VKORC1L1: variants seen among roughly 807,000 people sequenced by gnomAD.
The protein encoded by VKORC1L1 is vitamin K epoxide reductase complex subunit 1L1.
Under a neutral mutation model 18.9 loss-of-function variants are expected in VKORC1L1, and 2 were observed. That is an observed-to-expected ratio of 0.11 (90% CI 0.04 to 0.33). VKORC1L1 has a LOEUF of 0.33. Among genes scored for constraint, VKORC1L1 ranks in the 10% least tolerant of loss-of-function variants. The pLI, the probability that VKORC1L1 is intolerant of heterozygous loss-of-function variation, is 1.00. For synonymous variants in VKORC1L1, 96 were observed against 100.0 expected, an observed-to-expected ratio of 0.96 and a Z score of 0.24; for missense variants, 123 against 224.1, an observed-to-expected ratio of 0.55 and a Z score of 2.88.
At chr7:65,940,705 G>T (rs1215385801) in intron 1 of VKORC1L1, among the ~76,000 whole-genome samples, 1 of 152,192 alleles carries the variant, frequency 6.6e-6, no homozygotes, top group Non-Finnish European at 1.5e-5. Flanking sequence ...GTATTGCTCA[G>T]AAGGGGTTCA....
intron 1 of VKORC1L1, among the ~76,000 whole-genome samples, chr7:65,932,845 C>A (rs1789880273): frequency 6.6e-6 from 1 of 151,922 alleles, no homozygotes; most frequent in Non-Finnish European, 1.5e-5. Context: ...TTTGGGAGGC[C>A]AAGGCGGGTG....
intron 1 of VKORC1L1, among the ~76,000 whole-genome samples, chr7:65,879,995 T>G (rs1219454736): frequency 3.9e-5 from 6 of 151,992 alleles, no homozygotes; most frequent in Admixed American, 6.6e-5. Flanking sequence ...GGGTCTACAG[T>G]TGCACACCCC....
the VKORC1L1 span, among the ~76,000 whole-genome samples, chr7:65,867,441 G>A: frequency 6.6e-6 from 1 of 152,080 alleles, no homozygotes; most frequent in Non-Finnish European, 1.5e-5. Flanking sequence ...AAAACTTTGG[G>A]TGCTTAAAAT....
At chr7:65,908,178 C>T (rs561144100) in intron 1 of VKORC1L1, among the ~76,000 whole-genome samples, 48 of 152,180 alleles carry the variant, frequency 3.2e-4, no homozygotes, top group African/African-American at 1.1e-3. Context: ...TTTGGAAGGC[C>T]GAGGCGGGCA....
chr7:65,954,366 T>TTTATCATTA lies in VKORC1L1; in HGVS notation c.*70_*71insCATTATTAT. On this transcript the variant is annotated 3_prime_UTR_variant, in exon 3 of 3. Transcript: ENST00000360768. ...CATTCAGTTTATTTTGCAGCAGGTT[T>TTTATCATTA]TTATTATTATTATTATTATTATTAT... 1 of 1,477,410 alleles carries TTTATCATTA rather than the reference T, an allele frequency of 6.8e-7. No homozygotes were observed. Among genetic ancestry groups the TTTATCATTA allele is most frequent in the East Asian group, 2.6e-5 (1 of 38,588 alleles). The allele number at this position is 1,477,410 out of a possible 1,614,324, so 91.5% of individuals were successfully genotyped here. A position where few individuals can be genotyped will look rare whatever the true frequency, so the allele number is the denominator to read the frequency against.
chr7:65,877,148 T>C (rs1283848936), intron 1 of VKORC1L1, among the ~76,000 whole-genome samples: 1 of 152,228 alleles, frequency 6.6e-6, no homozygotes, highest in Non-Finnish European at 1.5e-5. Flanking sequence ...GTTATAGCTG[T>C]TACCATTGAT....
chr7:65,901,200 T>C (rs1789309607), intron 1 of VKORC1L1, among the ~76,000 whole-genome samples: 1 of 152,194 alleles, frequency 6.6e-6, no homozygotes, highest in Non-Finnish European at 1.5e-5. Context: ...ACTAAGCATT[T>C]AAATACTAAG....
chr7:65,938,715 A>G (rs1475250242), intron 1 of VKORC1L1, among the ~76,000 whole-genome samples: 3 of 152,234 alleles, frequency 2.0e-5, no homozygotes, highest in Non-Finnish European at 4.4e-5. Context: ...CCAAGGAAGC[A>G]TCATTCAAGC....
At chr7:65,907,853 T>C (rs1239243742) in intron 1 of VKORC1L1, among the ~76,000 whole-genome samples, 1 of 150,668 alleles carries the variant, frequency 6.6e-6, no homozygotes, top group African/African-American at 2.4e-5. Context: ...CTAAGCAAGA[T>C]AGGTTTTGTT....
At chr7:65,878,685 A>G (rs993935903) in intron 1 of VKORC1L1, among the ~76,000 whole-genome samples, 2 of 152,108 alleles carry the variant, frequency 1.3e-5, no homozygotes, top group African/African-American at 2.4e-5. Flanking sequence ...TGGGCGGATC[A>G]CGAGGTCGGG....
At chr7:65,917,201 A>G (rs1451301756) in intron 1 of VKORC1L1, among the ~76,000 whole-genome samples, 1 of 151,658 alleles carries the variant, frequency 6.6e-6, no homozygotes, top group Non-Finnish European at 1.5e-5. Context: ...TCCTAATCCA[A>G]TTGGTGATTA....
upstream of VKORC1L1, among the ~76,000 whole-genome samples, chr7:65,868,348 A>C (rs1788687497): frequency 6.6e-6 from 1 of 152,208 alleles, no homozygotes; most frequent in Non-Finnish European, 1.5e-5. Context: ...ATTCAGAGAA[A>C]AAAGGAACGC....
intron 1 of VKORC1L1, among the ~76,000 whole-genome samples, chr7:65,874,113 G>A (rs1239713879): frequency 6.6e-6 from 1 of 152,134 alleles, no homozygotes; most frequent in Admixed American, 6.5e-5. Context: ...AGGCCTCTTT[G>A]TACTCCAGCG....
intron 1 of VKORC1L1, among the ~76,000 whole-genome samples, chr7:65,906,380 A>C (rs955196714): frequency 6.6e-6 from 1 of 152,132 alleles, no homozygotes; most frequent in African/African-American, 2.4e-5. Context: ...CAAAAAGAAA[A>C]AAAAAAGGAG....
At chr7:65,944,270 G>T (rs1583864960) in intron 1 of VKORC1L1, among the ~76,000 whole-genome samples, 2 of 152,148 alleles carry the variant, frequency 1.3e-5, no homozygotes, top group Admixed American at 1.3e-4. Flanking sequence ...TTAGGAGGCT[G>T]ACACAGGAGT....
At chr7:65,937,262 C>G (rs1400960949) in intron 1 of VKORC1L1, among the ~76,000 whole-genome samples, 2 of 152,302 alleles carry the variant, frequency 1.3e-5, no homozygotes, top group African/African-American at 4.8e-5. Context: ...TATCAACCAG[C>G]TATTTTTCCT....
At chr7:65,925,618 A>G (rs926589073) in intron 1 of VKORC1L1, among the ~76,000 whole-genome samples, 8 of 152,198 alleles carry the variant, frequency 5.3e-5, no homozygotes, top group African/African-American at 1.9e-4. Context: ...TGTTGGAAGC[A>G]GTAAGGGCTT....
At chr7:65,928,028 T>C (rs1789794535) in intron 1 of VKORC1L1, among the ~76,000 whole-genome samples, 1 of 152,130 alleles carries the variant, frequency 6.6e-6, no homozygotes, top group African/African-American at 2.4e-5. Flanking sequence ...TGTTTAAACC[T>C]ATAGTAAGGC....
At chr7:65,907,394 T>C (rs998337887) in intron 1 of VKORC1L1, among the ~76,000 whole-genome samples, 2 of 152,124 alleles carry the variant, frequency 1.3e-5, no homozygotes, top group Non-Finnish European at 2.9e-5. Flanking sequence ...GCCGAGATCA[T>C]GCCATTGCAC....
Sources: allele counts gnomAD v4.1 joint callset (sites outside exome capture counted in the v4.1 genomes callset), GRCh38; gene constraint gnomAD v4.1.1; transcripts MANE v1.5; gene names NCBI Gene and HGNC (gene_info 2026-07-23, HGNC 2026-07-21).